Variants in WDFY3 observed in about 807,000 individuals in gnomAD.
The protein encoded by WDFY3 is WD repeat and FYVE domain containing 3.
In WDFY3, 66 loss-of-function variants were observed where a neutral mutation model predicts 409.6. The ratio of observed to expected loss-of-function variants is 0.16; its 90% CI spans 0.13 to 0.20. The LOEUF is 0.20. Ranked by LOEUF, WDFY3 falls within the 10% of genes least tolerant of loss-of-function variation. WDFY3 has a pLI of 1.00. For missense variants in WDFY3, 3,031 were observed against 4,298.1 expected (o/e 0.71, Z 8.24); for synonymous variants, 1,521 against 1,537.1 (o/e 0.99, Z 0.25).
chr4:84,914,277 T>C (rs1768172567), intron 2 of WDFY3, among the ~76,000 whole-genome samples: 1 of 151,896 alleles, frequency 6.6e-6, no homozygotes, highest in Non-Finnish European at 1.5e-5. Context: ...AAAAATTAGC[T>C]GGGCGTGGTG....
At chr4:84,674,729 G>C (rs540226144) in intron 67 of WDFY3, among the ~76,000 whole-genome samples, 1 of 151,620 alleles carries the variant, frequency 6.6e-6, no homozygotes, top group Non-Finnish European at 1.5e-5. Flanking sequence ...TTAGCCAGGC[G>C]TGGTGGTGCA....
Position 84,796,593 on chromosome 4 carries a change from T to C in WDFY3, c.3095A>G (p.His1032Arg). The C allele has an allele frequency of 6.2e-7, 1 of 1,613,978 alleles. No individual in the cohort carries two copies. The highest frequency in any genetic ancestry group is 8.5e-7 in the Non-Finnish European group (1 of 1,179,944). The change falls in exon 19 of 68, where the codon CAT becomes CGT. Residue 1032 changes from histidine (H) to arginine (R), a missense_variant. His to Arg is a conservative substitution (Grantham distance 29). Around this residue, in one of 16 missense-constraint regions of WDFY3, gnomAD observed 1,322 missense variants for 1,697.9 expected, o/e 0.78. Transcript: ENST00000295888. ...TGATGACCCATGAAGTCTGATGTCA[T>C]GTGGGGTTGTCATGGAGACCAGACA... is the stretch of plus-strand genomic sequence containing the variant. ...VKCLVSMTTP[H>R]DIRLHGSSVT...
intron 3 of WDFY3, among the ~76,000 whole-genome samples, chr4:84,877,594 T>C (rs1762956965): frequency 6.6e-6 from 1 of 152,216 alleles, no homozygotes; most frequent in Non-Finnish European, 1.5e-5. Flanking sequence ...CCACTGTGCC[T>C]GGCTGAAAGC....
At chr4:84,802,997 G>A (rs904334408) in intron 16 of WDFY3, among the ~76,000 whole-genome samples, 5 of 152,068 alleles carry the variant, frequency 3.3e-5, no homozygotes, top group Admixed American at 6.5e-5. Context: ...TGTATTATTC[G>A]TTAGCAATGT....
chr4:84,872,281 A>G (rs963027843), intron 3 of WDFY3, among the ~76,000 whole-genome samples: 4 of 152,072 alleles, frequency 2.6e-5, no homozygotes, highest in African/African-American at 4.8e-5. Context: ...CCTGGCCAAC[A>G]TGGTGAAACC....
rs1643888740 is a variant in WDFY3, at chr4:84,789,992, C to T, written c.3488-85G>A. 4 of 1,402,802 alleles carry T rather than the reference C, an allele frequency of 2.9e-6. No homozygotes were observed. The East Asian group carries it at 9.5e-5, about 33-fold the overall frequency. The allele number at this position is 1,402,802 out of a possible 1,614,324, so 86.9% of individuals were successfully genotyped here. A position where few individuals can be genotyped will look rare whatever the true frequency, so the allele number is the denominator to read the frequency against. ...TCATATCTAGATCAGCATGTTTTGA[C>T]TTTATGTTAAAACAAAATAATGATG... On this transcript the variant is annotated intron_variant, in intron 21 of 67. Transcript: ENST00000295888.
intron 1 of WDFY3, among the ~76,000 whole-genome samples, chr4:84,959,505 A>G (rs1480571022): frequency 6.6e-6 from 1 of 152,208 alleles, no homozygotes; most frequent in African/African-American, 2.4e-5. Flanking sequence ...GTTGAAAATG[A>G]TAAACATTTA....
chr4:84,933,197 T>C (rs918139294), intron 1 of WDFY3, among the ~76,000 whole-genome samples: 2 of 152,158 alleles, frequency 1.3e-5, no homozygotes, highest in South Asian at 2.1e-4. Flanking sequence ...CTTTATTTGT[T>C]AAACTCTTTA....
intron 3 of WDFY3, among the ~76,000 whole-genome samples, chr4:84,880,847 G>T (rs1484748867): frequency 1.3e-5 from 2 of 149,054 alleles, no homozygotes; most frequent in Non-Finnish European, 3.0e-5. Flanking sequence ...CCTCTCGAGT[G>T]GCTGGGATTA....
intron 3 of WDFY3, among the ~76,000 whole-genome samples, chr4:84,878,045 C>G (rs962934122): frequency 1.3e-5 from 2 of 152,036 alleles, no homozygotes; most frequent in Non-Finnish European, 2.9e-5. Flanking sequence ...ACAAAAATGA[C>G]CATTTTTGTT....
chr4:84,709,600 TTTTG>T lies in WDFY3; in HGVS notation c.8043-257_8043-254del, dbSNP rs199503201. ...GTAAGAAAAAGTATTGTTTTGTGAA[TTTTG>T]TTTGAGTTGAGTATTTATAACTCCA... is the stretch of plus-strand genomic sequence containing the variant. On this transcript the variant is annotated intron_variant, in intron 51 of 67. Coordinates refer to ENST00000295888, the MANE Select transcript of WDFY3 (RefSeq NM_014991.6). Among the ~76,000 whole-genome samples the T allele has an allele frequency of 8.4e-3, 1,278 of 152,362 alleles. 22 individuals carry two copies. Among genetic ancestry groups the T allele is most frequent in the African/African-American group, 0.029 (1,205 of 41,588 alleles).
Position 84,944,741 on chromosome 4 carries a change from G to A in WDFY3, c.-225-12378C>T, listed in dbSNP as rs183959249. Among the ~76,000 whole-genome samples the A allele has an allele frequency of 1.2e-3, 184 of 147,674 alleles. 1 individual carries two copies. The highest frequency in any genetic ancestry group is 0.01 in the Admixed American group (149 of 14,892). On this transcript the variant is annotated intron_variant, in intron 1 of 67. Coordinates refer to ENST00000295888, the MANE Select transcript of WDFY3 (RefSeq NM_014991.6). ...CCTGGGAGGCAGGTTGCAGTGAGCC[G>A]AGATCACGCCACTGCACTCCAGCCT...
intron 59 of WDFY3, among the ~76,000 whole-genome samples, chr4:84,692,503 A>C (rs1729423547): frequency 1.3e-5 from 2 of 152,238 alleles, no homozygotes; most frequent in African/African-American, 4.8e-5. Context: ...GGCATACTAA[A>C]AATGTGTTCT....
chr4:84,915,292 G>A (rs1368735533), intron 2 of WDFY3, among the ~76,000 whole-genome samples: 1 of 152,078 alleles, frequency 6.6e-6, no homozygotes, highest in Non-Finnish European at 1.5e-5. Flanking sequence ...TAATGCTGCT[G>A]AATTGTACAC....
chr4:84,897,424 C>G (rs1765786094), intron 2 of WDFY3, among the ~76,000 whole-genome samples: 1 of 151,848 alleles, frequency 6.6e-6, no homozygotes, highest in Admixed American at 6.6e-5. Flanking sequence ...CTCTTGTCAC[C>G]CAGGCTGGAG....
intron 1 of WDFY3, among the ~76,000 whole-genome samples, chr4:84,956,945 A>G (rs1213639098): frequency 6.6e-6 from 1 of 151,982 alleles, no homozygotes; most frequent in Non-Finnish European, 1.5e-5. Context: ...CAAATATACT[A>G]ATACATGAAT....
chr4:84,860,454 T>C lies in WDFY3; in HGVS notation c.138A>G (p.Glu46=), dbSNP rs536973580. The change falls in exon 4 of 68, where the codon GAA becomes GAG. Residue 46 remains glutamate (E), a synonymous_variant. Transcript: ENST00000295888. The part of the protein sequence containing the change: ...CHPPRHMTQK[E]QEEKLYMMLP... The stretch of plus-strand genomic sequence containing the variant: ...GCATCATATACAGTTTCTCTTCTTG[T>C]TCCTTCTGAGTCATGTGCCGGGGAG... 1.9e-6 allele frequency: 3 copies of C among 1,614,128 alleles called. No individual in the cohort carries two copies. The highest frequency in any genetic ancestry group is 1.3e-5 in the African/African-American group (1 of 75,046).
intron 61 of WDFY3, among the ~76,000 whole-genome samples, chr4:84,688,720 A>T (rs28489607): frequency 0.022 from 3,005 of 134,164 alleles, 106 homozygotes; most frequent in African/African-American, 0.083. Flanking sequence ...ATTTTTTTTT[A>T]AAAAAATGCA....
At chr4:84,904,993 C>T (rs1172789206) in intron 2 of WDFY3, among the ~76,000 whole-genome samples, 3 of 149,838 alleles carry the variant, frequency 2.0e-5, no homozygotes, top group African/African-American at 7.4e-5. Flanking sequence ...ATCTCTTTGT[C>T]TTGTGTCTTT....
Sources: allele counts gnomAD v4.1 joint callset (sites outside exome capture counted in the v4.1 genomes callset), GRCh38; gene constraint gnomAD v4.1.1; regional missense constraint gnomAD v4.1.1; transcripts MANE v1.5; gene names NCBI Gene and HGNC (gene_info 2026-07-23, HGNC 2026-07-21).